GON4L: variants seen among roughly 807,000 people sequenced by gnomAD.
GON4L encodes the protein gon-4 like, also known as GON-4-like protein.
In GON4L, 87 loss-of-function variants were observed where a neutral mutation model predicts 211.8. That is an observed-to-expected ratio of 0.41 (90% CI 0.35 to 0.49). GON4L has a LOEUF of 0.49. Among genes scored for constraint, GON4L ranks in the 20% least tolerant of loss-of-function variants. GON4L has a pLI of 0.15. For synonymous variants in GON4L, 875 were observed against 962.6 expected (o/e 0.91, Z 1.68); for missense variants, 2,155 against 2,659.5 (o/e 0.81, Z 4.17).
At chr1:155,835,365 G>C (rs1176919329) in intron 2 of GON4L, among the ~76,000 whole-genome samples, 1 of 151,592 alleles carries the variant, frequency 6.6e-6, no homozygotes, top group Non-Finnish European at 1.5e-5. Flanking sequence ...GAAAACCAGA[G>C]ACCTTTGTTC....
chr1:155,773,282 A>G (rs549030253), intron 17 of GON4L, 72 bp from the exon 18 acceptor site: 2 of 1,572,488 alleles, frequency 1.3e-6, no homozygotes, highest in African/African-American at 1.3e-5. Flanking sequence ...CTGTGAATGC[A>G]TTTTTGCATT....
rs371568461 is a variant in GON4L at position 155,764,426 on chromosome 1, ATTTTTTTTTTTTTT to A, written c.4473+560_4473+573del. Reference sequence around the variant, plus strand: ...GAGCCACCGTGCCCAGTTATTTACTATTTTTTTTTTTTTTTTTTTTTTTTTTTTTTTGAGACAGA... The same window carrying A: ...GAGCCACCGTGCCCAGTTATTTACTATTTTTTTTTTTTTTTTTGAGACAGA... On this transcript the variant is annotated intron_variant, in intron 21 of 31. Transcript: ENST00000368331. 4.6e-3 allele frequency: 646 copies of A among 139,908 alleles called. 3 individuals carry two copies. Among genetic ancestry groups the A allele is most frequent in the East Asian group, 0.039 (197 of 4,992 alleles). The allele number at this position is 139,908 out of a possible 1,614,324, so 8.7% of individuals were successfully genotyped here.
intron 4 of GON4L, 41 bp from the exon 5 acceptor site, chr1:155,821,589 G>C (rs1301716089): frequency 1.7e-6 from 2 of 1,163,334 alleles, no homozygotes; most frequent in South Asian, 2.4e-5. Context: ...ACAAGGGTTT[G>C]TCACCTAGAC....
intron 25 of GON4L, 143 bp from the exon 26 acceptor site, chr1:155,757,466 T>G: frequency 1.4e-6 from 1 of 724,056 alleles, no homozygotes; most frequent in South Asian, 1.8e-5. Context: ...CAAAGAATAC[T>G]AAAACTTTCT....
intron 14 of GON4L, among the ~76,000 whole-genome samples, chr1:155,782,219 T>C (rs1402236971): frequency 1.3e-5 from 2 of 152,242 alleles, no homozygotes; most frequent in African/African-American, 2.4e-5. Flanking sequence ...GGATGCTTTA[T>C]TTAGTCAAAG....
At chr1:155,790,999 C>T (rs997876280) in intron 12 of GON4L, among the ~76,000 whole-genome samples, 4 of 150,924 alleles carry the variant, frequency 2.7e-5, no homozygotes, top group Non-Finnish European at 3.0e-5. Context: ...CAGTGGCTCG[C>T]GCTTGTAATC....
In GON4L at chr1:155,763,328, G is replaced by T. The variant is rs187182570; in HGVS notation, c.4710C>A (p.Thr1570=). The part of the protein sequence containing the change: ...ASPETAPEVE[T]SRTPPGESIK... ...CTAGCTCACCTGGTGGAGTTCTGCT[G>T]GTCTCCACTTCTGGAGCAGTCTCAG... The change falls in exon 22 of 32, where the codon ACC becomes ACA. Residue 1570 remains threonine (T), a synonymous_variant. Coordinates refer to ENST00000368331, the MANE Select transcript of GON4L (RefSeq NM_001282860.2). The T allele has an allele frequency of 9.0e-5, 146 of 1,613,878 alleles. No homozygotes were observed. In the East Asian group the frequency reaches 1.1e-3, roughly 12 times the overall value.
intron 2 of GON4L, among the ~76,000 whole-genome samples, chr1:155,828,051 A>C (rs763502485): frequency 1.8e-4 from 27 of 151,870 alleles, no homozygotes; most frequent in Non-Finnish European, 3.5e-4. Context: ...CCAGCTACTT[A>C]GGAGGGTGTG....
chr1:155,846,502 G>A (rs1434536547), intron 2 of GON4L: 7 of 124,442 alleles, frequency 5.6e-5, no homozygotes, highest in African/African-American at 1.6e-4. Flanking sequence ...CAGCCTGGGT[G>A]ACAGAGCAAG....
intron 6 of GON4L, among the ~76,000 whole-genome samples, chr1:155,819,684 T>C (rs1382514029): frequency 6.6e-6 from 1 of 152,198 alleles, no homozygotes; most frequent in Non-Finnish European, 1.5e-5. Flanking sequence ...TCATGACTAT[T>C]ACCTGCCTTG....
Position 155,828,940 on chromosome 1 carries a change from AG to A in GON4L, c.506-1913del, listed in dbSNP as rs1442045122. 5.3e-5 allele frequency among the ~76,000 whole-genome samples: 8 copies of A among 152,212 alleles called. No individual in the cohort carries two copies. In the East Asian group the frequency reaches 1.5e-3, roughly 29 times the overall value. The stretch of plus-strand genomic sequence containing the variant: ...AGTTACCTGGGAAGAGGACTTGGGG[AG>A]CAAGAGTACAAAGTGAAAGGATGCC... On this transcript the variant is annotated intron_variant, in intron 2 of 31. Coordinates refer to ENST00000368331, the MANE Select transcript of GON4L (RefSeq NM_001282860.2).
At chr1:155,761,045 G>T (rs1353038586) in intron 23 of GON4L, among the ~76,000 whole-genome samples, 1 of 152,116 alleles carries the variant, frequency 6.6e-6, no homozygotes, top group Non-Finnish European at 1.5e-5. Flanking sequence ...TAAAACATTA[G>T]GAGATAAGAA....
At chr1:155,758,297 A>T (rs7541060) in intron 24 of GON4L, among the ~76,000 whole-genome samples, 71,732 of 152,160 alleles carry the variant, frequency 0.47, 19,011 homozygotes, top group African/African-American at 0.72. Flanking sequence ...TGCTGTTTTA[A>T]GGATTGTGAA....
chr1:155,770,408 T>A (rs1557843247), intron 19 of GON4L, among the ~76,000 whole-genome samples: 1 of 152,178 alleles, frequency 6.6e-6, no homozygotes, highest in Non-Finnish European at 1.5e-5. Flanking sequence ...AACACGCCTG[T>A]AGTCCAGGAT....
chr1:155,843,249 T>C (rs940673464), intron 2 of GON4L, among the ~76,000 whole-genome samples: 1 of 152,144 alleles, frequency 6.6e-6, no homozygotes, highest in Non-Finnish European at 1.5e-5. Flanking sequence ...CAAAACTCCA[T>C]AGTAAACATT....
At chr1:155,775,243 T>C (rs113013702) in intron 16 of GON4L, 70 bp from the exon 17 acceptor site, 46,793 of 1,602,848 alleles carry the variant, frequency 0.029, 826 homozygotes, top group Non-Finnish European at 0.033. Flanking sequence ...CTTCAGAATC[T>C]AAATGAGAAG....
At position 155,753,187 on chromosome 1, in the gene GON4L, G is replaced by T. The variant is rs763306898; in HGVS notation, c.5842+17C>A. 1 of 1,576,314 alleles carries T rather than the reference G, an allele frequency of 6.3e-7. No individual in the cohort carries two copies. On this transcript the variant is annotated intron_variant, in intron 29 of 31. Transcript: ENST00000368331. ...CGAGACTGAGGAACAGAAGGGCTGCGTTGGCAAATCACTCACCTGAAACAG... is the reference window on the plus strand; with the variant it reads ...CGAGACTGAGGAACAGAAGGGCTGCTTTGGCAAATCACTCACCTGAAACAG...
chr1:155,828,593 G>C (rs1364539103), intron 2 of GON4L, among the ~76,000 whole-genome samples: 2 of 151,518 alleles, frequency 1.3e-5, no homozygotes, highest in Admixed American at 1.3e-4. Context: ...GATCACTTGA[G>C]GTCAGGAGTT....
intron 10 of GON4L, among the ~76,000 whole-genome samples, chr1:155,811,633 T>A (rs1414634634): frequency 6.7e-6 from 1 of 150,206 alleles, no homozygotes; most frequent in Non-Finnish European, 1.5e-5. Flanking sequence ...GTCAGTCACC[T>A]GTAATCCCAG....
Sources: gnomAD v4.1 joint callset for allele counts (sites outside exome capture counted in the v4.1 genomes callset) on GRCh38, gnomAD v4.1.1 for gene constraint, MANE v1.5 for transcripts, NCBI Gene and HGNC (gene_info 2026-07-23, HGNC 2026-07-21) for gene names.